ATP7B: variants seen among roughly 807,000 people sequenced by gnomAD.
ATP7B encodes ATPase copper transporting beta, also known as copper-transporting ATPase 2.
A neutral mutation model predicts 118.9 loss-of-function variants in ATP7B; 113 were observed. The ratio of observed to expected loss-of-function variants is 0.95; its 90% confidence interval spans 0.82 to 1.11. The LOEUF is 1.11. Ranked by LOEUF, ATP7B falls within the 50% of genes most tolerant of loss-of-function variation. ATP7B has a pLI of 0.00. For missense variants in ATP7B, 1,867 were observed against 1,871.4 expected, an observed-to-expected ratio of 1.00 and a Z score of 0.04; for synonymous variants, 777 against 727.4, an observed-to-expected ratio of 1.07 and a Z score of -1.10.
intron 1 of ATP7B, among the ~76,000 whole-genome samples, chr13:51,983,034 C>T (rs992129320): frequency 1.3e-4 from 20 of 152,110 alleles, no homozygotes; most frequent in African/African-American, 4.3e-4. Flanking sequence ...TTTTCATACC[C>T]CAGTGGTGCC....
chr13:51,945,886 C>A (rs1957617595), intron 13 of ATP7B, among the ~76,000 whole-genome samples: 1 of 152,122 alleles, frequency 6.6e-6, no homozygotes, highest in Non-Finnish European at 1.5e-5. Context: ...TCACAGGACC[C>A]ACCACTAATC....
At chr13:51,967,013 A>G in intron 4 of ATP7B, 2 of 1,612,708 alleles carry the variant, frequency 1.2e-6, no homozygotes, top group South Asian at 1.1e-5. Flanking sequence ...AACTTTACAG[A>G]TGGTGCATTG....
chr13:51,984,802 T>C (rs1952576383), intron 1 of ATP7B, among the ~76,000 whole-genome samples: 1 of 152,222 alleles, frequency 6.6e-6, no homozygotes, highest in Non-Finnish European at 1.5e-5. Context: ...CAGAATTTCA[T>C]ATCCAGCCAA....
At position 51,946,483 on chromosome 13, in the gene ATP7B, A is replaced by G; in HGVS notation, c.2866-5T>C. The G allele has an allele frequency of 1.2e-6, 2 of 1,614,170 alleles. No homozygotes were observed. The highest frequency in any genetic ancestry group is 1.7e-6 in the Non-Finnish European group (2 of 1,180,018). On this transcript the variant is annotated splice_polypyrimidine_tract_variant and splice_region_variant and intron_variant, in intron 12 of 20. Transcript: ENST00000242839. ...GGAGATGTGCTTGTTGGGGTTCTGA[A>G]AACAGGACAGAGTCAGAGGCAGGTT...
At chr13:52,012,047 G>A (rs2140791542), upstream of ATP7B, 6 of 443,450 alleles carry the variant, frequency 1.4e-5, no homozygotes, top group South Asian at 6.5e-5. Context: ...TGTGCGCAAA[G>A]GCCAGCCAAT....
At chr13:52,009,066 G>A (rs1237530730) in intron 1 of ATP7B, among the ~76,000 whole-genome samples, 3 of 151,806 alleles carry the variant, frequency 2.0e-5, no homozygotes, top group East Asian at 1.9e-4. Flanking sequence ...TTGTATAAAC[G>A]ATGTCTTGAT....
chr13:51,937,983 C>T (rs778291438), intron 17 of ATP7B, among the ~76,000 whole-genome samples: 5 of 152,200 alleles, frequency 3.3e-5, no homozygotes, highest in Non-Finnish European at 5.9e-5. Context: ...CTTTCCAAAG[C>T]ATCCGTCCGG....
At chr13:51,947,008 G>A (rs1427398412) in intron 12 of ATP7B, among the ~76,000 whole-genome samples, 1 of 152,128 alleles carries the variant, frequency 6.6e-6, no homozygotes, top group Non-Finnish European at 1.5e-5. Flanking sequence ...AAGATGCAAG[G>A]ATATTTACCA....
chr13:51,940,017 T>C (rs922581134), intron 16 of ATP7B, among the ~76,000 whole-genome samples: 1 of 137,356 alleles, frequency 7.3e-6, no homozygotes, highest in Non-Finnish European at 1.6e-5. Context: ...TTTTTTTTTT[T>C]TTTTTTTTTT....
rs1316450845 is a variant in ATP7B, at chr13:52,011,326, C to G, written c.12G>C (p.Gln4His). 6.2e-7 allele frequency: 1 copy of G among 1,614,142 alleles called. No individual in the cohort carries two copies. The highest frequency in any genetic ancestry group is 8.5e-7 in the Non-Finnish European group (1 of 1,180,038). The change falls in exon 1 of 21, where the codon CAG becomes CAC. Residue 4 changes from glutamine to histidine, a missense_variant. Physicochemically the swap from Gln to His is conservative, Grantham distance 24. Transcript: ENST00000242839. ...CTTCTCTGGCTGTGATCTGTCTCTCCTGCTCAGGCATCGTCCCGCACGGAC... is the reference window on the plus strand; with the variant it reads ...CTTCTCTGGCTGTGATCTGTCTCTCGTGCTCAGGCATCGTCCCGCACGGAC... MPE[Q>H]ERQITAREGA...
At chr13:51,981,696 T>A (rs1260194303) in intron 1 of ATP7B, among the ~76,000 whole-genome samples, 1 of 152,100 alleles carries the variant, frequency 6.6e-6, no homozygotes, top group African/African-American at 2.4e-5. Context: ...CATATTAACC[T>A]CTATGAACAT....
chr13:51,994,055 T>A (rs79591667), intron 1 of ATP7B, among the ~76,000 whole-genome samples: 6 of 152,340 alleles, frequency 3.9e-5, no homozygotes, highest in South Asian at 2.1e-4. Flanking sequence ...GGACATTTTT[T>A]AAAAATGCCT....
chr13:51,990,903 C>T (rs1383269779), intron 1 of ATP7B, among the ~76,000 whole-genome samples: 3 of 152,196 alleles, frequency 2.0e-5, no homozygotes, highest in African/African-American at 7.2e-5. Flanking sequence ...TCCTGGACAA[C>T]ACGGTGAAAC....
Position 51,974,597 on chromosome 13 carries a change from G to C in ATP7B, c.623C>G (p.Ala208Gly). ...RDHVNDMGFE[A>G]AIKSKVAPLS... ...GGGAGCCACTTTGCTCTTGATGGCA[G>C]CTTCAAATCCCATGTCATTTACATG... is the stretch of plus-strand genomic sequence containing the variant. The change falls in exon 2 of 21, where the codon GCT (alanine) becomes GGT (glycine). Residue 208 changes from alanine (A) to glycine (G), a missense_variant. Ala to Gly is a moderately conservative substitution (Grantham distance 60). Coordinates refer to ENST00000242839, the MANE Select transcript of ATP7B (RefSeq NM_000053.4). 1.2e-6 allele frequency: 2 copies of C among 1,613,892 alleles called. No homozygotes were observed. Among genetic ancestry groups the C allele is most frequent in the South Asian group, 1.1e-5 (1 of 91,070 alleles).
intron 6 of ATP7B, 44 bp from the exon 7 acceptor site, chr13:51,960,366 GT>G: frequency 1.3e-6 from 2 of 1,595,178 alleles, no homozygotes; most frequent in South Asian, 2.3e-5. Context: ...GATGCTGCTT[GT>G]CACCTGGATT....
At chr13:51,970,778 A>C in intron 2 of ATP7B, 29 bp from the exon 3 acceptor site, 1 of 1,609,016 alleles carries the variant, frequency 6.2e-7, no homozygotes, top group Non-Finnish European at 8.5e-7. Context: ...AAATATTCAA[A>C]TTAGAAGAGC....
At chr13:51,949,607 T>C (rs970183444) in intron 12 of ATP7B, 55 bp downstream of exon 12, 1 of 1,594,324 alleles carries the variant, frequency 6.3e-7, no homozygotes, top group Non-Finnish European at 8.6e-7. Context: ...ACAGGATCAA[T>C]GTCAGTAGAT....
Position 51,974,891 on chromosome 13 carries a change from TG to T in ATP7B, c.328del (p.Gln110AsnfsTer43). ...GTCCCCAATTTGATGGCAAACCTGT[TG>T]CAGGCACACAACCGATGGCACATAT... ...VKYVPSVVCL[Q>X]QVCHQIGDMG... On this transcript the variant is annotated frameshift_variant, in exon 2 of 21. Coordinates refer to ENST00000242839, the MANE Select transcript of ATP7B (RefSeq NM_000053.4). LOFTEE classifies it high-confidence loss of function. 1 of 1,614,232 alleles carries T rather than the reference TG, an allele frequency of 6.2e-7. No individual in the cohort carries two copies. The highest frequency in any genetic ancestry group is 8.5e-7 in the Non-Finnish European group (1 of 1,180,034).
intron 13 of ATP7B, 35 bp downstream of exon 13, chr13:51,946,249 C>G: frequency 1.9e-6 from 3 of 1,550,868 alleles, no homozygotes; most frequent in Non-Finnish European, 2.6e-6. Context: ...CTACTTTCAT[C>G]TCTCAGGATG....
Sources: allele counts gnomAD v4.1 joint callset (sites outside exome capture counted in the v4.1 genomes callset), GRCh38; gene constraint gnomAD v4.1.1; transcripts MANE v1.5; gene names NCBI Gene and HGNC (gene_info 2026-07-23, HGNC 2026-07-21).